FMNL2: variants seen among roughly 807,000 people sequenced by gnomAD.
FMNL2 encodes the protein formin like 2, also known as formin-like protein 2.
Under a neutral mutation model 130.2 loss-of-function variants are expected in FMNL2, and 51 were observed. The ratio of observed to expected loss-of-function variants is 0.39; its 90% confidence interval spans 0.31 to 0.49. The LOEUF (loss-of-function observed/expected upper bound fraction) is 0.49. Ranked by LOEUF, FMNL2 falls within the 20% of genes least tolerant of loss-of-function variation. The pLI, the probability that FMNL2 is intolerant of heterozygous loss-of-function variation, is 0.85. For missense variants in FMNL2, 977 were observed against 1,316.2 expected (o/e 0.74, Z 3.99); for synonymous variants, 465 against 467.1 (o/e 1.00, Z 0.06).
At chr2:152,590,857 A>G (rs940678295) in intron 9 of FMNL2, among the ~76,000 whole-genome samples, 15 of 151,808 alleles carry the variant, frequency 9.9e-5, no homozygotes, top group African/African-American at 3.6e-4. Context: ...GAGGATTTGG[A>G]GTGGCACTGG....
chr2:152,595,725 A>AT (rs997455719), intron 9 of FMNL2, among the ~76,000 whole-genome samples: 37 of 151,716 alleles, frequency 2.4e-4, no homozygotes, highest in Admixed American at 1.3e-4. Flanking sequence ...TGTTCTATAT[A>AT]TTTTTTTTCC....
intron 1 of FMNL2, among the ~76,000 whole-genome samples, chr2:152,401,730 C>T (rs991448035): frequency 6.6e-6 from 1 of 151,966 alleles, no homozygotes; most frequent in African/African-American, 2.4e-5. Context: ...AGGTGCTCCT[C>T]TCCTGCCTTT....
chr2:152,493,812 T>C (rs549054324), intron 1 of FMNL2, among the ~76,000 whole-genome samples: 295 of 152,296 alleles, frequency 1.9e-3, no homozygotes, highest in Middle Eastern at 3.4e-3. Context: ...ACCTTTTCTT[T>C]AGAAATTACG....
chr2:152,408,238 G>T (rs1686100321), intron 1 of FMNL2, among the ~76,000 whole-genome samples: 1 of 152,074 alleles, frequency 6.6e-6, no homozygotes, highest in African/African-American at 2.4e-5. Flanking sequence ...TATCTTCAAA[G>T]AACTTTTTTA....
At chr2:152,363,576 C>G (rs368917943) in intron 1 of FMNL2, among the ~76,000 whole-genome samples, 1 of 151,442 alleles carries the variant, frequency 6.6e-6, no homozygotes, top group African/African-American at 2.4e-5. Flanking sequence ...TTTTTTTCCC[C>G]CCCAAGACAG....
chr2:152,576,828 G>C (rs1179166844), intron 7 of FMNL2, among the ~76,000 whole-genome samples: 1 of 152,290 alleles, frequency 6.6e-6, no homozygotes, highest in South Asian at 2.1e-4. Context: ...GGAATGTCTG[G>C]TTTGCCCAAG....
At chr2:152,495,617 C>T (rs1233084591) in intron 1 of FMNL2, among the ~76,000 whole-genome samples, 5 of 122,800 alleles carry the variant, frequency 4.1e-5, no homozygotes, top group African/African-American at 1.5e-4. Flanking sequence ...TGCCATTGCA[C>T]ACCAGCCTAG....
chr2:152,569,642 C>T (rs2105654934), intron 6 of FMNL2, among the ~76,000 whole-genome samples: 1 of 145,726 alleles, frequency 6.9e-6, no homozygotes, highest in African/African-American at 2.6e-5. Flanking sequence ...GATCATGCCA[C>T]TGCACTTCAG....
intron 1 of FMNL2, among the ~76,000 whole-genome samples, chr2:152,481,519 C>T (rs955640206): frequency 1.7e-4 from 26 of 152,198 alleles, no homozygotes; most frequent in Non-Finnish European, 2.2e-4. Context: ...CCAGGCTTTT[C>T]CCCCAAGATT....
chr2:152,382,770 A>G (rs1359399532), intron 1 of FMNL2, among the ~76,000 whole-genome samples: 1 of 152,218 alleles, frequency 6.6e-6, no homozygotes, highest in Non-Finnish European at 1.5e-5. Flanking sequence ...TTATATATAT[A>G]ATTCTTGTCA....
At chr2:152,422,566 C>A (rs1227001367) in intron 1 of FMNL2, among the ~76,000 whole-genome samples, 2 of 151,542 alleles carry the variant, frequency 1.3e-5, no homozygotes, top group Admixed American at 1.3e-4. Flanking sequence ...GCACTGTCAC[C>A]CAAGCTGAAG....
rs949420136 is a variant in FMNL2, at chr2:152,338,678, C to T, written c.117+2958C>T. On this transcript the variant is annotated intron_variant, in intron 1 of 25. Coordinates refer to ENST00000288670, the MANE Select transcript of FMNL2 (RefSeq NM_052905.4). ...GGATCCCAGTGTTAGGAGTTTAATC[C>T]TCCCAAGGATAGGTATCTTCAGTAT... Among the ~76,000 whole-genome samples the T allele has an allele frequency of 7.9e-5, 12 of 152,186 alleles. No individual in the cohort carries two copies. The South Asian group carries it at 8.3e-4, about 11-fold the overall frequency.
chr2:152,590,016 C>T (rs371647202), intron 9 of FMNL2, among the ~76,000 whole-genome samples: 1,472 of 52,220 alleles, frequency 0.028, 39 homozygotes, highest in African/African-American at 0.085. Flanking sequence ...TATACATATA[C>T]ATATATATAT....
At chr2:152,490,332 A>G (rs1398354680) in intron 1 of FMNL2, among the ~76,000 whole-genome samples, 1 of 151,952 alleles carries the variant, frequency 6.6e-6, no homozygotes, top group Non-Finnish European at 1.5e-5. Context: ...AAATGCAGGG[A>G]TATGCTATTT....
intron 1 of FMNL2, among the ~76,000 whole-genome samples, chr2:152,422,160 C>A (rs1208970708): frequency 6.6e-6 from 1 of 152,150 alleles, no homozygotes; most frequent in Non-Finnish European, 1.5e-5. Context: ...AAAGTACTTG[C>A]CTGTTGAGGC....
chr2:152,513,078 A>G (rs1692573983), intron 1 of FMNL2, among the ~76,000 whole-genome samples: 1 of 152,208 alleles, frequency 6.6e-6, no homozygotes, highest in African/African-American at 2.4e-5. Context: ...GATATAATGG[A>G]TACAGAAAAA....
intron 1 of FMNL2, among the ~76,000 whole-genome samples, chr2:152,380,799 TAGAGCTGCATTATAGCTAGTGTCTGTA>T (rs1684419581): frequency 1.3e-5 from 2 of 152,206 alleles, no homozygotes; most frequent in African/African-American, 2.4e-5. Context: ...CCTGTTGGGC[TAGAGCTGCATTATAGCTAGTGTCTGTA>T]AGACCGTTCT....
intron 1 of FMNL2, among the ~76,000 whole-genome samples, chr2:152,461,617 C>G (rs1689256158): frequency 6.6e-6 from 1 of 152,130 alleles, no homozygotes; most frequent in East Asian, 1.9e-4. Flanking sequence ...TTTCTTCACC[C>G]TAAACATATT....
chr2:152,581,276 G>C (rs1193623179), intron 9 of FMNL2, among the ~76,000 whole-genome samples: 1 of 152,010 alleles, frequency 6.6e-6, no homozygotes, highest in Non-Finnish European at 1.5e-5. Flanking sequence ...TGTTGTTTTT[G>C]TTTTAATTTT....
Sources: gnomAD v4.1 joint callset for allele counts (sites outside exome capture counted in the v4.1 genomes callset) on GRCh38, gnomAD v4.1.1 for gene constraint, MANE v1.5 for transcripts, NCBI Gene and HGNC (gene_info 2026-07-23, HGNC 2026-07-21) for gene names.